The following ABCB5 variants were observed in gnomAD, a reference collection of about 807,000 sequenced individuals.
ABCB5 encodes the protein ATP-binding cassette sub-family B member 5.
Under a neutral mutation model 144.2 loss-of-function variants are expected in ABCB5, and 155 were observed. The ratio of observed to expected loss-of-function variants is 1.08; its 90% CI spans 0.94 to 1.23. The LOEUF is 1.23. ABCB5 is among the 50% of genes most tolerant of loss of function. The pLI is 0.00. For synonymous variants in ABCB5, 610 were observed against 528.6 expected (o/e 1.15, Z -2.11); for missense variants, 1,830 against 1,520.8 (o/e 1.20, Z -3.38).
At chr7:20,675,978 C>T (rs1009782645) in intron 14 of ABCB5, among the ~76,000 whole-genome samples, 1 of 151,888 alleles carries the variant, frequency 6.6e-6, no homozygotes, top group African/African-American at 2.4e-5. Context: ...AGATATCTCA[C>T]ACCTATTAGG....
intron 20 of ABCB5, among the ~76,000 whole-genome samples, chr7:20,709,674 A>G (rs2128045708): frequency 6.7e-6 from 1 of 150,306 alleles, no homozygotes; most frequent in Non-Finnish European, 1.5e-5. Flanking sequence ...GATGTGTAGC[A>G]TGCTGAGAAG....
At chr7:20,725,755 A>C (rs775853328) in intron 21 of ABCB5, among the ~76,000 whole-genome samples, 1 of 151,502 alleles carries the variant, frequency 6.6e-6, no homozygotes. Context: ...TTTTATATTC[A>C]TTCCTTTTGT....
chr7:20,696,649 T>C (rs1252001370), intron 16 of ABCB5, among the ~76,000 whole-genome samples: 1 of 152,112 alleles, frequency 6.6e-6, no homozygotes, highest in African/African-American at 2.4e-5. Context: ...ATTTTAGATA[T>C]CACTTTTTAA....
chr7:20,636,969 A>C (rs1036406282), intron 5 of ABCB5, among the ~76,000 whole-genome samples: 1 of 152,118 alleles, frequency 6.6e-6, no homozygotes, highest in Non-Finnish European at 1.5e-5. Flanking sequence ...TATCCGATAC[A>C]TAGGATACAT....
At chr7:20,677,309 T>C (rs920649541) in intron 14 of ABCB5, among the ~76,000 whole-genome samples, 37 of 152,344 alleles carry the variant, frequency 2.4e-4, no homozygotes, top group Admixed American at 2.1e-3. Flanking sequence ...CCATTCTACC[T>C]ACTTTTTGTG....
chr7:20,672,925 AT>A (rs1785495500), intron 14 of ABCB5, among the ~76,000 whole-genome samples: 1 of 151,880 alleles, frequency 6.6e-6, no homozygotes, highest in African/African-American at 2.4e-5. Context: ...TCTCTTTTGT[AT>A]TTAATTGGTT....
intron 16 of ABCB5, among the ~76,000 whole-genome samples, chr7:20,686,421 A>C (rs1356739842): frequency 6.6e-6 from 1 of 152,094 alleles, no homozygotes; most frequent in Admixed American, 6.5e-5. Context: ...TCCCATCTGC[A>C]CCTGAAGTCT....
At position 20,753,397 on chromosome 7, in the gene ABCB5, T is replaced by C. The variant is rs765886744; in HGVS notation, c.3467T>C (p.Leu1156Pro). The C allele has an allele frequency of 2.5e-6, 4 of 1,614,122 alleles. No individual in the cohort carries two copies. The highest frequency in any genetic ancestry group is 1.7e-5 in the Admixed American group (1 of 60,022). ...CAAGTTGGACTGAAAGGAGCACAGC[T>C]TTCTGGCGGCCAGAAACAAAGACTA... ...NTQVGLKGAQ[L>P]SGGQKQRLAI... Residue 1156 changes from leucine to proline, a missense_variant, in exon 27 of 28, where the codon CTT becomes CCT. Leu to Pro is a moderately conservative substitution (Grantham distance 98). Transcript: ENST00000404938.
intron 20 of ABCB5, among the ~76,000 whole-genome samples, chr7:20,712,758 C>T (rs1239640880): frequency 6.7e-6 from 1 of 148,918 alleles, no homozygotes; most frequent in African/African-American, 2.5e-5. Flanking sequence ...GTAGTATATA[C>T]ATTGGTAGTA....
At chr7:20,738,920 A>G in intron 23 of ABCB5, 63 bp from the exon 24 acceptor site, 1 of 1,469,268 alleles carries the variant, frequency 6.8e-7, no homozygotes, top group South Asian at 1.5e-5. Context: ...CTTTACTTTT[A>G]GAGTTCTACT....
chr7:20,712,897 T>C (rs1277764136), intron 20 of ABCB5, among the ~76,000 whole-genome samples: 1 of 149,938 alleles, frequency 6.7e-6, no homozygotes, highest in Non-Finnish European at 1.5e-5. Context: ...ACTTATTTTT[T>C]GTGTGGTGAG....
chr7:20,666,846 T>G, intron 14 of ABCB5: 1 of 1,455,702 alleles, frequency 6.9e-7, no homozygotes, highest in Non-Finnish European at 9.1e-7. Context: ...AATTGCACTA[T>G]CTCCCTAATC....
At chr7:20,726,358 C>CTTTTTGTTTTTTTT (rs1782035957) in intron 21 of ABCB5, among the ~76,000 whole-genome samples, 1 of 78,420 alleles carries the variant, frequency 1.3e-5, no homozygotes, top group Non-Finnish European at 2.2e-5. Context: ...TCTCTGCTAT[C>CTTTTTGTTTTTTTT]TTTTTTTTTT....
chr7:20,641,779 A>G (rs187607412), intron 5 of ABCB5: 1 of 152,452 alleles, frequency 6.6e-6, no homozygotes, highest in Non-Finnish European at 1.5e-5. Context: ...AGGCAGGTCA[A>G]ATTCTCATAA....
intron 16 of ABCB5, among the ~76,000 whole-genome samples, chr7:20,686,731 C>G (rs2128040365): frequency 6.6e-6 from 1 of 152,270 alleles, no homozygotes; most frequent in East Asian, 1.9e-4. Context: ...CATACCATCT[C>G]ACACCTATCC....
chr7:20,706,133 A>G (rs2108259), intron 20 of ABCB5, among the ~76,000 whole-genome samples: 35,864 of 152,086 alleles, frequency 0.24, 4,576 homozygotes, highest in Non-Finnish European at 0.28. Context: ...TAATAATCAA[A>G]TAATGGGTAT....
intron 16 of ABCB5, among the ~76,000 whole-genome samples, chr7:20,687,388 C>T (rs17143260): frequency 0.15 from 23,283 of 152,228 alleles, 3,176 homozygotes; most frequent in African/African-American, 0.36. Flanking sequence ...CACATGGAAA[C>T]TGATAAAATA....
intron 23 of ABCB5, among the ~76,000 whole-genome samples, chr7:20,733,115 G>C (rs757261767): frequency 6.6e-6 from 1 of 151,948 alleles, no homozygotes; most frequent in Non-Finnish European, 1.5e-5. Flanking sequence ...TTACATAATC[G>C]GTAAGTAGCA....
chr7:20,745,094 C>T, intron 25 of ABCB5, 138 bp from the exon 26 acceptor site: 2 of 894,450 alleles, frequency 2.2e-6, no homozygotes, highest in East Asian at 2.6e-5. Context: ...ATGAGCCTTC[C>T]TTGGGTAACT....
Sources: allele counts gnomAD v4.1 joint callset (sites outside exome capture counted in the v4.1 genomes callset), GRCh38; gene constraint gnomAD v4.1.1; transcripts MANE v1.5; gene names NCBI Gene and HGNC (gene_info 2026-07-23, HGNC 2026-07-21).